The following ADCY8 variants were observed in gnomAD, a reference collection of about 807,000 sequenced individuals.
ADCY8 encodes the protein adenylate cyclase 8, also known as adenylate cyclase type 8.
ADCY8 carries 51 observed loss-of-function variants against 119.7 expected under a neutral mutation model. The observed-to-expected ratio is 0.43, with a 90% confidence interval of 0.34 to 0.54. The LOEUF (loss-of-function observed/expected upper bound fraction) is 0.54, where lower values mean the gene tolerates loss of function less well. ADCY8 is among the 20% of genes least tolerant of loss of function. The pLI is 0.03. For synonymous variants in ADCY8, 665 were observed against 651.0 expected, an observed-to-expected ratio of 1.02 and a Z score of -0.33; for missense variants, 1,383 against 1,598.8, an observed-to-expected ratio of 0.87 and a Z score of 2.30.
intron 9 of ADCY8, among the ~76,000 whole-genome samples, chr8:130,854,233 T>C (rs945087009): frequency 3.9e-5 from 6 of 152,264 alleles, no homozygotes; most frequent in Non-Finnish European, 5.9e-5. Context: ...AATTTGCTTT[T>C]GCATTGTTGG....
At chr8:130,903,463 GGT>G (rs1491196278) in intron 7 of ADCY8, among the ~76,000 whole-genome samples, 1,181 of 75,928 alleles carry the variant, frequency 0.016, 17 homozygotes, top group African/African-American at 0.064. Flanking sequence ...CAACATGAGT[GGT>G]TTTTTTTTTT....
rs1268931754 is a variant in ADCY8, at chr8:130,808,191, C to T, written c.2913+5878G>A. On this transcript the variant is annotated intron_variant, in intron 14 of 17. Coordinates refer to ENST00000286355, the MANE Select transcript of ADCY8 (RefSeq NM_001115.3). The stretch of plus-strand genomic sequence containing the variant: ...TTATTTGCTTCACTGTCTTGTCTTC[C>T]CACAGAAACACATGTTTCAGAGCAT... 2.6e-5 allele frequency among the ~76,000 whole-genome samples: 4 copies of T among 151,914 alleles called. No homozygotes were observed. The East Asian group carries it at 7.7e-4, about 29-fold the overall frequency.
At chr8:130,895,282 T>A (rs1156309550) in intron 7 of ADCY8, among the ~76,000 whole-genome samples, 3 of 151,980 alleles carry the variant, frequency 2.0e-5, no homozygotes, top group Non-Finnish European at 4.4e-5. Context: ...AAAAGAAGAG[T>A]CCAATTCGTT....
At chr8:130,808,924 G>T (rs1380573448) in intron 14 of ADCY8, among the ~76,000 whole-genome samples, 1 of 151,846 alleles carries the variant, frequency 6.6e-6, no homozygotes, top group Non-Finnish European at 1.5e-5. Flanking sequence ...ATGAGCCAGT[G>T]GGTTTCCCGG....
intron 8 of ADCY8, among the ~76,000 whole-genome samples, chr8:130,880,847 T>C (rs1818743928): frequency 2.0e-5 from 3 of 152,194 alleles, no homozygotes; most frequent in African/African-American, 7.2e-5. Flanking sequence ...CCAGGACATA[T>C]GGCCACCATG....
chr8:130,873,313 G>A (rs890284660), intron 8 of ADCY8, among the ~76,000 whole-genome samples: 1 of 151,752 alleles, frequency 6.6e-6, no homozygotes, highest in Non-Finnish European at 1.5e-5. Flanking sequence ...AACTGTAACT[G>A]TACTCTGTCT....
intron 2 of ADCY8, among the ~76,000 whole-genome samples, chr8:130,989,264 G>A (rs929220610): frequency 6.6e-6 from 1 of 152,186 alleles, no homozygotes; most frequent in Non-Finnish European, 1.5e-5. Context: ...GCAGATGGCA[G>A]TGGGAGTTCA....
chr8:130,821,457 G>A, intron 12 of ADCY8, 37 bp from the exon 13 acceptor site: 2 of 1,517,422 alleles, frequency 1.3e-6, no homozygotes, highest in Non-Finnish European at 1.8e-6. Context: ...ACCATGGGGG[G>A]ACTTCAAGGA....
Position 130,785,369 on chromosome 8 carries a change from A to G in ADCY8, c.3153+14T>C, listed in dbSNP as rs79621332. 847 of 1,593,812 alleles carry G rather than the reference A, an allele frequency of 5.3e-4. 1 individual carries two copies. In the African/African-American group the frequency reaches 0.01, roughly 19 times the overall value. On this transcript the variant is annotated intron_variant, in intron 16 of 17. Coordinates refer to ENST00000286355, the MANE Select transcript of ADCY8 (RefSeq NM_001115.3). ...CCCACCATGCATTGTGGCTGAGTCC[A>G]AAGAGTCCTTTACCTGTTTTTCAGG... is the stretch of plus-strand genomic sequence containing the variant.
rs754383889 is a variant in ADCY8 at position 130,997,849 on chromosome 8, G to A, written c.961-7307C>T. ...GTGCTTTGTAATCCCTCCAACCTAC[G>A]GCTCTACCTGGATCCCTCGGGTCCC... On this transcript the variant is annotated intron_variant, in intron 1 of 17. Coordinates refer to ENST00000286355, the MANE Select transcript of ADCY8 (RefSeq NM_001115.3). 7.2e-5 allele frequency among the ~76,000 whole-genome samples: 11 copies of A among 152,154 alleles called. No individual in the cohort carries two copies. In the South Asian group the frequency reaches 1.2e-3, roughly 17 times the overall value.
Position 130,884,721 on chromosome 8 carries a change from G to C in ADCY8, c.1952C>G (p.Pro651Arg). The C allele has an allele frequency of 6.2e-7, 1 of 1,613,914 alleles. No homozygotes were observed. The highest frequency in any genetic ancestry group is 1.1e-5 in the South Asian group (1 of 91,088). ...ALTRNSINLL[P>R]NHLAQALHVQ... ...ATGCAAAGCTTGTGCAAGATGGTTT[G>C]GAAGCAGATTTATTGAATTTCTTGT... The change falls in exon 8 of 18, where the codon CCA becomes CGA. Residue 651 changes from proline (P) to arginine (R), a missense_variant. Physicochemically the swap from Pro to Arg is moderately radical, Grantham distance 103. Coordinates refer to ENST00000286355, the MANE Select transcript of ADCY8 (RefSeq NM_001115.3).
rs148618214 is a variant in ADCY8, at chr8:130,990,072, T to C, written c.1110+321A>G. Among the ~76,000 whole-genome samples the C allele has an allele frequency of 4.5e-3, 680 of 152,174 alleles. 7 individuals carry two copies. The highest frequency in any genetic ancestry group is 0.015 in the African/African-American group (637 of 41,522). ...CATTTACAGTTTAAAAGAAAGAGGG[T>C]CAAAGATAGGCATGCCGATGATTTT... is the stretch of plus-strand genomic sequence containing the variant. On this transcript the variant is annotated intron_variant, in intron 2 of 17. Transcript: ENST00000286355.
chr8:131,003,214 A>T (rs956609095), intron 1 of ADCY8, among the ~76,000 whole-genome samples: 5 of 151,824 alleles, frequency 3.3e-5, no homozygotes, highest in South Asian at 2.1e-4. Context: ...CATCACACAC[A>T]CACACACACA....
intron 2 of ADCY8, among the ~76,000 whole-genome samples, chr8:130,980,629 T>C (rs1240720333): frequency 1.3e-5 from 2 of 152,222 alleles, no homozygotes; most frequent in Non-Finnish European, 2.9e-5. Context: ...TTCACTAAGA[T>C]AGGAAATACT....
intron 2 of ADCY8, among the ~76,000 whole-genome samples, chr8:130,969,506 G>A (rs923383650): frequency 6.6e-5 from 10 of 152,064 alleles, no homozygotes; most frequent in Admixed American, 4.6e-4. Context: ...TGTTGTTACT[G>A]TAGCTATTGT....
Position 131,039,407 on chromosome 8 carries a change from G to T in ADCY8, c.927C>A (p.Val309=). ...TSLLQVILQV[V]IPRLAVISIN... ...TGGAAATGACCGCCAGCCGGGGTAT[G>T]ACCACTTGGAGGATGACCTGCAGCA... Residue 309 remains valine, a synonymous_variant, in exon 1 of 18, where the codon GTC becomes GTA. Coordinates refer to ENST00000286355, the MANE Select transcript of ADCY8 (RefSeq NM_001115.3). 1 of 1,614,058 alleles carries T rather than the reference G, an allele frequency of 6.2e-7. No homozygotes were observed. Among genetic ancestry groups the T allele is most frequent in the South Asian group, 1.1e-5 (1 of 91,062 alleles).
chr8:131,005,347 C>T (rs1586648995), intron 1 of ADCY8, among the ~76,000 whole-genome samples: 1 of 152,180 alleles, frequency 6.6e-6, no homozygotes. Flanking sequence ...ATACAGGCTG[C>T]CTCCATACTA....
rs200937674 is a variant in ADCY8 at position 130,884,767 on chromosome 8, G to T, written c.1912-6C>A. 1.9e-6 allele frequency: 3 copies of T among 1,613,558 alleles called. No individual in the cohort carries two copies. Among genetic ancestry groups the T allele is most frequent in the Non-Finnish European group, 2.5e-6 (3 of 1,179,694 alleles). ...CTTGTTAGGGCAGCCAGAGTCTAGGGGGAAAGCACATGCAAACACAATAAA... is the reference window on the plus strand; with the variant it reads ...CTTGTTAGGGCAGCCAGAGTCTAGGTGGAAAGCACATGCAAACACAATAAA... On this transcript the variant is annotated splice_polypyrimidine_tract_variant and splice_region_variant and intron_variant, in intron 7 of 17. Transcript: ENST00000286355.
intron 5 of ADCY8, among the ~76,000 whole-genome samples, chr8:130,932,634 C>T (rs1820664928): frequency 6.6e-6 from 1 of 152,156 alleles, no homozygotes; most frequent in Admixed American, 6.5e-5. Flanking sequence ...AGTATTATGA[C>T]ATCTCACCTG....
Sources: allele counts gnomAD v4.1 joint callset (sites outside exome capture counted in the v4.1 genomes callset), GRCh38; gene constraint gnomAD v4.1.1; transcripts MANE v1.5; gene names NCBI Gene and HGNC (gene_info 2026-07-23, HGNC 2026-07-21).